Variants in MTFR1 observed in about 807,000 individuals in gnomAD.
MTFR1 encodes the protein chondrocyte protein with a poly-proline region.
In MTFR1, 28 loss-of-function variants were observed where a neutral mutation model predicts 38.8. The observed-to-expected ratio is 0.72, with a 90% CI of 0.53 to 0.99. MTFR1 has a LOEUF of 0.99. Ranked by LOEUF, MTFR1 falls within the 50% of genes least tolerant of loss-of-function variation. MTFR1 has a pLI of 0.00. For missense variants in MTFR1, 358 were observed against 395.5 expected (o/e 0.91, Z 0.81); for synonymous variants, 145 against 137.0 (o/e 1.06, Z -0.41).
At chr8:65,686,694 G>A (rs1162809885) in intron 3 of MTFR1, among the ~76,000 whole-genome samples, 1 of 151,838 alleles carries the variant, frequency 6.6e-6, no homozygotes, top group African/African-American at 2.4e-5. Flanking sequence ...AGGCTGAGGC[G>A]GGCGGATCAC....
chr8:65,644,826 T>G (rs1326876156), intron 1 of MTFR1, 42 bp downstream of exon 1: 1 of 152,458 alleles, frequency 6.6e-6, no homozygotes, highest in Non-Finnish European at 1.5e-5. Flanking sequence ...GGCTAGCGGG[T>G]GATGAAGTCG....
At chr8:65,738,692 C>G (rs764040821) in intron 3 of MTFR1, among the ~76,000 whole-genome samples, 4 of 152,200 alleles carry the variant, frequency 2.6e-5, no homozygotes, top group Non-Finnish European at 5.9e-5. Context: ...CTCAGCCTCC[C>G]AAAGTGCTGG....
chr8:65,770,679 T>C (rs1188660770), intron 3 of MTFR1, among the ~76,000 whole-genome samples: 1 of 152,210 alleles, frequency 6.6e-6, no homozygotes, highest in Non-Finnish European at 1.5e-5. Context: ...GCACATACAT[T>C]AACATTTATA....
chr8:65,650,033 T>C (rs776600531), intron 1 of MTFR1, among the ~76,000 whole-genome samples: 56 of 151,220 alleles, frequency 3.7e-4, no homozygotes, highest in Non-Finnish European at 6.9e-4. Flanking sequence ...GAGATGGGGT[T>C]TCACTACGTT....
intron 4 of MTFR1, among the ~76,000 whole-genome samples, chr8:65,704,273 T>G (rs1805712676): frequency 6.6e-6 from 1 of 152,052 alleles, no homozygotes; most frequent in South Asian, 2.1e-4. Context: ...TTATTTTCAG[T>G]AAAAAAAGCA....
chr8:65,713,439 A>AACACACACACACACACACACACAC (rs144454204), downstream of MTFR1, among the ~76,000 whole-genome samples: 7 of 137,470 alleles, frequency 5.1e-5, no homozygotes, highest in Admixed American at 3.0e-4. Flanking sequence ...TCCCATCTCA[A>AACACACACACACACACACACACAC]ACACACACAC....
chr8:65,708,235 G>T, intron 7 of MTFR1: 1 of 924,276 alleles, frequency 1.1e-6, no homozygotes, highest in Non-Finnish European at 1.6e-6. Flanking sequence ...AATAATAGTT[G>T]TTCATTTGGA....
intron 1 of MTFR1, among the ~76,000 whole-genome samples, chr8:65,654,121 GA>G (rs1228701557): frequency 1.3e-5 from 2 of 151,572 alleles, no homozygotes; most frequent in Non-Finnish European, 2.9e-5. Flanking sequence ...CTATTGGGGG[GA>G]AAGAAAACAT....
intron 3 of MTFR1, chr8:65,682,835 A>G: frequency 2.0e-6 from 2 of 985,016 alleles, no homozygotes; most frequent in Non-Finnish European, 2.4e-6. Flanking sequence ...CCCCTGCTTT[A>G]TTTTTAGATC....
At chr8:65,673,512 G>C (rs2129051818) in intron 2 of MTFR1, among the ~76,000 whole-genome samples, 1 of 151,860 alleles carries the variant, frequency 6.6e-6, no homozygotes, top group South Asian at 2.1e-4. Flanking sequence ...CTGGATGACG[G>C]GTTGATGGGT....
chr8:65,698,192 G>A (rs370416944), intron 4 of MTFR1, among the ~76,000 whole-genome samples: 1 of 146,634 alleles, frequency 6.8e-6, no homozygotes, highest in Non-Finnish European at 1.5e-5. Flanking sequence ...TCTGTCACCC[G>A]GGCTGGAGTG....
intron 1 of MTFR1, among the ~76,000 whole-genome samples, chr8:65,645,790 A>G (rs534264653): frequency 2.7e-5 from 4 of 148,854 alleles, no homozygotes; most frequent in African/African-American, 9.9e-5. Context: ...TGGCCTCCCA[A>G]AGTGTTGGGA....
In MTFR1 at chr8:65,759,026, C is replaced by T. The variant is rs1223510790; in HGVS notation, c.*49-11921C>T. ...AGGGGGCAAAAGGAACATGTCTTGACTCAGCCCATCTCTACACTGCTGCAG... is the reference window on the plus strand; with the variant it reads ...AGGGGGCAAAAGGAACATGTCTTGATTCAGCCCATCTCTACACTGCTGCAG... On this transcript the variant is annotated intron_variant, in intron 3 of 3. Coordinates refer to the MTFR1 transcript ENST00000521247. Among the ~76,000 whole-genome samples, 5 of 152,176 alleles carry T rather than the reference C, an allele frequency of 3.3e-5. No individual in the cohort carries two copies. In the South Asian group the frequency reaches 8.3e-4, roughly 25 times the overall value.
At chr8:65,678,670 A>G (rs570599415) in intron 2 of MTFR1, among the ~76,000 whole-genome samples, 4 of 152,202 alleles carry the variant, frequency 2.6e-5, no homozygotes, top group Admixed American at 2.6e-4. Context: ...GGAGGCCGAG[A>G]CGATTAGATC....
intron 3 of MTFR1, among the ~76,000 whole-genome samples, chr8:65,767,768 A>G (rs1808865860): frequency 6.6e-6 from 1 of 152,012 alleles, no homozygotes. Flanking sequence ...CTTCCCCCAT[A>G]CCTCACCCTA....
chr8:65,670,297 A>G (rs1382944017), intron 2 of MTFR1, among the ~76,000 whole-genome samples: 1 of 152,194 alleles, frequency 6.6e-6, no homozygotes, highest in East Asian at 1.9e-4. Context: ...AAATAAGCAG[A>G]AAAATCATTG....
intron 1 of MTFR1, among the ~76,000 whole-genome samples, chr8:65,645,410 AT>A (rs1808926728): frequency 6.6e-6 from 1 of 152,238 alleles, no homozygotes; most frequent in South Asian, 2.1e-4. Flanking sequence ...CAACAGCAGC[AT>A]TTTATTATGG....
chr8:65,716,148 CAA>C (rs376045290), intron 2 of MTFR1, among the ~76,000 whole-genome samples: 12 of 88,556 alleles, frequency 1.4e-4, no homozygotes, highest in Non-Finnish European at 1.4e-4. Flanking sequence ...GACCCTGTCT[CAA>C]AAAAAAAAAA....
chr8:65,703,479 G>A (rs1268008298), intron 4 of MTFR1, among the ~76,000 whole-genome samples: 3 of 117,498 alleles, frequency 2.6e-5, no homozygotes, highest in Admixed American at 2.3e-4. Flanking sequence ...TGTCATCCAA[G>A]CTGGAGTGCA....
Sources: gnomAD v4.1 joint callset for allele counts (sites outside exome capture counted in the v4.1 genomes callset) on GRCh38, gnomAD v4.1.1 for gene constraint, MANE v1.5 for transcripts, NCBI Gene and HGNC (gene_info 2026-07-23, HGNC 2026-07-21) for gene names.